SPOPL: variants seen among roughly 807,000 people sequenced by gnomAD.
SPOPL encodes speckle type BTB/POZ protein like, also known as speckle-type POZ protein-like.
In SPOPL, 23 loss-of-function variants were observed where a neutral mutation model predicts 53.8. That is an observed-to-expected ratio of 0.43 (90% CI 0.31 to 0.61). The LOEUF is 0.61. Among genes scored for constraint, SPOPL ranks in the 20% least tolerant of loss-of-function variants. The pLI, the probability that SPOPL is intolerant of heterozygous loss-of-function variation, is 0.12. For synonymous variants in SPOPL, 164 were observed against 149.7 expected, an observed-to-expected ratio of 1.10 and a Z score of -0.70; for missense variants, 442 against 466.9, an observed-to-expected ratio of 0.95 and a Z score of 0.49.
intron 1 of SPOPL, among the ~76,000 whole-genome samples, chr2:138,539,597 GT>G: frequency 2.1e-5 from 1 of 48,742 alleles, no homozygotes; most frequent in Non-Finnish European, 1.3e-4. Context: ...TGATGGGGTT[GT>G]TTGTTTTTTT....
intron 10 of SPOPL, among the ~76,000 whole-genome samples, chr2:138,568,568 T>A (rs1248257293): frequency 2.0e-5 from 3 of 152,072 alleles, no homozygotes; most frequent in Admixed American, 1.3e-4. Context: ...TAATGCATGT[T>A]AAGGGGGGAG....
chr2:138,550,222 T>G lies in SPOPL; in HGVS notation c.6T>G (p.Ser2=). 1 of 1,613,460 alleles carries G rather than the reference T, an allele frequency of 6.2e-7. No individual in the cohort carries two copies. Among genetic ancestry groups the G allele is most frequent in the Middle Eastern group, 1.7e-4 (1 of 6,058 alleles). Residue 2 remains serine, a synonymous_variant, in exon 2 of 11, where the codon TCT becomes TCG. Coordinates refer to ENST00000280098, the MANE Select transcript of SPOPL (RefSeq NM_001001664.3). The stretch of plus-strand genomic sequence containing the variant: ...AAGACTACAATAAAGTGGTGATGTC[T>G]CGGGAACCCACCCCACCTCTACCTG... M[S]REPTPPLPGD...
At chr2:138,543,564 G>A (rs143276884) in intron 1 of SPOPL, among the ~76,000 whole-genome samples, 15,456 of 152,004 alleles carry the variant, frequency 0.1, 956 homozygotes, top group East Asian at 0.26. Context: ...CGGAGTTCTC[G>A]TGTCTTGGTT....
In SPOPL at chr2:138,552,620, A is replaced by G; in HGVS notation, c.419A>G (p.Asp140Gly). The change falls in exon 5 of 11, where the codon GAC becomes GGC. Residue 140 changes from aspartate to glycine, a missense_variant. Coordinates refer to ENST00000280098, the MANE Select transcript of SPOPL (RefSeq NM_001001664.3). ...DWGFKKFIRR[D>G]FLLDEANGLL... ...GGTTTTAAAAAATTCATTAGAAGGG[A>G]CTTTTTGCTTGATGAAGCTAATGGT... The G allele has an allele frequency of 1.9e-6, 3 of 1,613,238 alleles. No individual in the cohort carries two copies. In the Admixed American group the frequency reaches 5.0e-5, roughly 27 times the overall value.
intron 10 of SPOPL, 118 bp downstream of exon 10, chr2:138,565,111 C>T: frequency 7.8e-7 from 1 of 1,279,834 alleles, no homozygotes; most frequent in Non-Finnish European, 1.1e-6. Context: ...AAGCAAACTG[C>T]CAGTTATTAA....
chr2:138,514,637 A>G (rs1463976382), intron 1 of SPOPL, among the ~76,000 whole-genome samples: 2 of 152,186 alleles, frequency 1.3e-5, no homozygotes, highest in Non-Finnish European at 2.9e-5. Context: ...TGGGGCCGTC[A>G]TGAATAGAGT....
chr2:138,534,912 T>A (rs1684895193), intron 1 of SPOPL, among the ~76,000 whole-genome samples: 1 of 152,224 alleles, frequency 6.6e-6, no homozygotes, highest in South Asian at 2.1e-4. Context: ...TTCATTCATG[T>A]TGTAACATGC....
Position 138,551,035 on chromosome 2 carries a change from G to A in SPOPL, c.333G>A (p.Arg111=), listed in dbSNP as rs1259587900. The A allele has an allele frequency of 6.2e-7, 1 of 1,612,906 alleles. No homozygotes were observed. Among genetic ancestry groups the A allele is most frequent in the East Asian group, 2.2e-5 (1 of 44,802 alleles). ...KFKFSLLNAK[R]EETKAMESQR... ...AATTTTCCCTTCTGAATGCTAAAAG[G>A]GAAGAAACAAAAGCAATGGGTAAGT... The change falls in exon 4 of 11, where the codon AGG becomes AGA. Residue 111 remains arginine, a synonymous_variant. Coordinates refer to ENST00000280098, the MANE Select transcript of SPOPL (RefSeq NM_001001664.3).
At chr2:138,503,124 G>C (rs931945413) in intron 1 of SPOPL, among the ~76,000 whole-genome samples, 50 of 152,186 alleles carry the variant, frequency 3.3e-4, no homozygotes, top group African/African-American at 1.2e-3. Context: ...CTCCTGCCAC[G>C]ATGAGATTGG....
chr2:138,553,731 ATG>A (rs1162947663), intron 5 of SPOPL, among the ~76,000 whole-genome samples: 1 of 152,166 alleles, frequency 6.6e-6, no homozygotes, highest in Non-Finnish European at 1.5e-5. Flanking sequence ...AATGAACTGT[ATG>A]ATGAATTTAT....
chr2:138,564,551 T>A (rs1057307015), intron 8 of SPOPL, 157 bp from the exon 9 acceptor site: 3 of 791,336 alleles, frequency 3.8e-6, no homozygotes, highest in Non-Finnish European at 5.5e-6. Flanking sequence ...TTTGTTTATA[T>A]TTACTTCGTA....
chr2:138,532,634 G>A (rs1439443844), intron 1 of SPOPL, among the ~76,000 whole-genome samples: 1 of 145,502 alleles, frequency 6.9e-6, no homozygotes, highest in African/African-American at 2.6e-5. Context: ...AGTAGAGACG[G>A]GGTTTCACCG....
intron 1 of SPOPL, among the ~76,000 whole-genome samples, chr2:138,541,390 G>A (rs1685068604): frequency 6.6e-6 from 1 of 152,076 alleles, no homozygotes; most frequent in Admixed American, 6.6e-5. Flanking sequence ...TTTTTGGTTG[G>A]TAAGCTATTA....
At chr2:138,520,679 A>G (rs1684536787) in intron 1 of SPOPL, among the ~76,000 whole-genome samples, 2 of 152,318 alleles carry the variant, frequency 1.3e-5, no homozygotes, top group East Asian at 1.9e-4. Flanking sequence ...GGGTCAATGA[A>G]TAAGAGAGAA....
chr2:138,567,374 TGTGTGTGTGTGTGTGTG>T (rs1453981803), intron 10 of SPOPL, among the ~76,000 whole-genome samples: 2 of 7,456 alleles, frequency 2.7e-4, no homozygotes, highest in East Asian at 0.015. Context: ...AGCAGTATAG[TGTGTGTGTGTGTGTGTG>T]TGTGTGTGTG....
chr2:138,566,297 G>A (rs1460480494), intron 10 of SPOPL, among the ~76,000 whole-genome samples: 2 of 152,010 alleles, frequency 1.3e-5, no homozygotes, highest in Non-Finnish European at 2.9e-5. Flanking sequence ...TACTATATTA[G>A]CATCAAATGG....
chr2:138,503,332 G>T (rs535443983), intron 1 of SPOPL, among the ~76,000 whole-genome samples: 1 of 152,132 alleles, frequency 6.6e-6, no homozygotes, highest in Non-Finnish European at 1.5e-5. Flanking sequence ...ATGGGGTTAT[G>T]ATATGACATC....
chr2:138,523,036 A>G (rs981371920), intron 1 of SPOPL, among the ~76,000 whole-genome samples: 5 of 152,238 alleles, frequency 3.3e-5, no homozygotes, highest in Admixed American at 1.3e-4. Context: ...CATAAACTCT[A>G]TAGTAAAAGA....
rs1223749721 is a variant in SPOPL at position 138,569,705 on chromosome 2, G to A, written c.*625G>A. ...GACATTTATGATGTTTGTCTTGTAT[G>A]TTAACTGTCCAACAAACTGTGGGTT... On this transcript the variant is annotated 3_prime_UTR_variant, in exon 11 of 11. Coordinates refer to ENST00000280098, the MANE Select transcript of SPOPL (RefSeq NM_001001664.3). 5 of 152,244 alleles carry A rather than the reference G, an allele frequency of 3.3e-5. No homozygotes were observed. Among genetic ancestry groups the A allele is most frequent in the African/African-American group, 7.2e-5 (3 of 41,416 alleles). 9.4% of individuals were successfully genotyped at this position (152,244 alleles called of 1,614,324 possible).
Sources: gnomAD v4.1 joint callset for allele counts (sites outside exome capture counted in the v4.1 genomes callset) on GRCh38, gnomAD v4.1.1 for gene constraint, MANE v1.5 for transcripts, NCBI Gene and HGNC (gene_info 2026-07-23, HGNC 2026-07-21) for gene names.